MYOT: variants seen among roughly 807,000 people sequenced by gnomAD.
MYOT encodes the protein 57 kDa cytoskeletal protein.
Under a neutral mutation model 58.0 loss-of-function variants are expected in MYOT, and 36 were observed. The ratio of observed to expected loss-of-function variants is 0.62; its 90% confidence interval spans 0.48 to 0.82. MYOT has a LOEUF of 0.82. Among genes scored for constraint, MYOT ranks in the 40% least tolerant of loss-of-function variants. The pLI is 0.00. For synonymous variants in MYOT, 218 were observed against 204.6 expected (o/e 1.07, Z -0.56); for missense variants, 505 against 592.1 (o/e 0.85, Z 1.53).
intron 7 of MYOT, among the ~76,000 whole-genome samples, chr5:137,885,390 G>A (rs1468537225): frequency 6.6e-6 from 1 of 152,040 alleles, no homozygotes; most frequent in Admixed American, 6.6e-5. Flanking sequence ...CATGGCTCAT[G>A]GAGCCAATAG....
At chr5:137,868,445 C>T (rs1352905538) in intron 1 of MYOT, among the ~76,000 whole-genome samples, 1 of 152,056 alleles carries the variant, frequency 6.6e-6, no homozygotes, top group Non-Finnish European at 1.5e-5. Context: ...ACAGTAACTA[C>T]AAACATAAAG....
intron 6 of MYOT, chr5:137,882,786 G>C (rs954341560): frequency 6.4e-6 from 1 of 156,292 alleles, no homozygotes; most frequent in Non-Finnish European, 1.4e-5. Context: ...CCTCAGACTA[G>C]AAAAGCTCTT....
intron 2 of MYOT, among the ~76,000 whole-genome samples, chr5:137,872,485 A>T (rs1434066353): frequency 2.0e-5 from 3 of 152,242 alleles, no homozygotes; most frequent in Non-Finnish European, 4.4e-5. Flanking sequence ...AAAACATAAT[A>T]AGAAATAAAG....
intron 8 of MYOT, 116 bp from the exon 9 acceptor site, chr5:137,886,748 G>C (rs1328817958): frequency 2.4e-6 from 2 of 821,614 alleles, no homozygotes; most frequent in Non-Finnish European, 4.0e-6. Context: ...GCAATAAATA[G>C]ATACAGCTTT....
rs184308924 is a variant in MYOT at position 137,887,547 on chromosome 5, A to C, written c.*162A>C. 1.1e-5 allele frequency: 5 copies of C among 446,276 alleles called. No individual in the cohort carries two copies. In the Admixed American group the frequency reaches 1.3e-4, roughly 12 times the overall value. 27.6% of individuals were successfully genotyped at this position (446,276 alleles called of 1,614,324 possible). A position where few individuals can be genotyped will look rare whatever the true frequency, so the allele number is the denominator to read the frequency against. On this transcript the variant is annotated 3_prime_UTR_variant, in exon 10 of 10. Transcript: ENST00000239926. ...ATTATTTATCCTTTGACTCTTGCAC[A>C]TTCTATGTACCCCTCCGATTTGTGA...
intron 4 of MYOT, among the ~76,000 whole-genome samples, chr5:137,880,313 G>A (rs1012534070): frequency 5.9e-5 from 9 of 152,138 alleles, no homozygotes; most frequent in African/African-American, 1.9e-4. Flanking sequence ...CATACCTTTC[G>A]TGGAGTCCAT....
chr5:137,879,684 C>A (rs1227349980), intron 4 of MYOT, among the ~76,000 whole-genome samples: 5 of 144,800 alleles, frequency 3.5e-5, no homozygotes, highest in African/African-American at 1.0e-4. Context: ...GCCACCACAC[C>A]CGGCTTTTTT....
At chr5:137,874,029 CTTGAGAATATTTGG>C (rs760939171) in intron 2 of MYOT, among the ~76,000 whole-genome samples, 25 of 152,118 alleles carry the variant, frequency 1.6e-4, no homozygotes, top group Non-Finnish European at 3.2e-4. Flanking sequence ...TTTAATGATC[CTTGAGAATATTTGG>C]AAAGGATCAT....
intron 5 of MYOT, 98 bp from the exon 6 acceptor site, chr5:137,881,875 T>C: frequency 7.6e-7 from 1 of 1,322,442 alleles, no homozygotes; most frequent in Non-Finnish European, 1.1e-6. Flanking sequence ...AGAGTGAAAC[T>C]CCATTGAAAA....
At chr5:137,869,773 T>C (rs368713365) in intron 1 of MYOT, among the ~76,000 whole-genome samples, 261 of 151,866 alleles carry the variant, frequency 1.7e-3, no homozygotes, top group Admixed American at 3.0e-3. Context: ...GACCAACAAC[T>C]AGGAAGTATA....
chr5:137,878,524 A>G (rs1463976270), intron 4 of MYOT, among the ~76,000 whole-genome samples: 1 of 152,164 alleles, frequency 6.6e-6, no homozygotes, highest in East Asian at 1.9e-4. Context: ...TTAACCCCAA[A>G]GAAAAATGTA....
intron 7 of MYOT, 108 bp from the exon 8 acceptor site, chr5:137,885,940 T>G (rs1755586862): frequency 5.6e-6 from 4 of 713,706 alleles, no homozygotes; most frequent in Non-Finnish European, 2.3e-6. Context: ...CTGTTGCTGT[T>G]GCTTTTTAAC....
chr5:137,877,647 T>C (rs1755275708), intron 4 of MYOT, 26 bp downstream of exon 4: 3 of 1,459,060 alleles, frequency 2.1e-6, no homozygotes, highest in Non-Finnish European at 2.9e-6. Context: ...CTAAGTGGAG[T>C]ATTTTTATTC....
chr5:137,885,904 G>A, intron 7 of MYOT, 144 bp from the exon 8 acceptor site: 2 of 555,578 alleles, frequency 3.6e-6, no homozygotes, highest in Non-Finnish European at 6.4e-6. Context: ...AAATAGTACT[G>A]CATGTCTTTT....
At chr5:137,875,012 A>G (rs1037657041) in intron 2 of MYOT, among the ~76,000 whole-genome samples, 1 of 152,192 alleles carries the variant, frequency 6.6e-6, no homozygotes, top group Non-Finnish European at 1.5e-5. Flanking sequence ...CCTGGTGTAA[A>G]TATTTCCACC....
rs928703659 is a variant in MYOT, at chr5:137,869,698, T to A, written c.-211-743T>A. On this transcript the variant is annotated intron_variant, in intron 1 of 9. Coordinates refer to ENST00000239926, the MANE Select transcript of MYOT (RefSeq NM_006790.3). Reference sequence around the variant, plus strand: ...GAAAAAAAAGACCAAAAAACAAAATTAGTCTAAAATACATACTAAACAAAT... The same window carrying A: ...GAAAAAAAAGACCAAAAAACAAAATAAGTCTAAAATACATACTAAACAAAT... 3.4e-4 allele frequency among the ~76,000 whole-genome samples: 51 copies of A among 151,312 alleles called. 1 individual carries two copies. Among genetic ancestry groups the A allele is most frequent in the African/African-American group, 1.2e-3 (49 of 40,762 alleles).
At chr5:137,869,975 A>G (rs1028202331) in intron 1 of MYOT, among the ~76,000 whole-genome samples, 1 of 151,948 alleles carries the variant, frequency 6.6e-6, no homozygotes, top group Non-Finnish European at 1.5e-5. Context: ...AAAAAGAAGC[A>G]GTGAATTGTA....
At chr5:137,876,222 T>C (rs1023373426) in intron 3 of MYOT, 3 of 545,442 alleles carry the variant, frequency 5.5e-6, no homozygotes, top group African/African-American at 3.8e-5. Flanking sequence ...TGTATCTGAA[T>C]GGTTTAATGA....
At chr5:137,871,527 CAAAT>C (rs1040897549) in intron 2 of MYOT, among the ~76,000 whole-genome samples, 2 of 152,032 alleles carry the variant, frequency 1.3e-5, no homozygotes, top group Admixed American at 1.3e-4. Flanking sequence ...TTTAAATTAA[CAAAT>C]AAAAAAACCT....
Sources: gnomAD v4.1 joint callset for allele counts (sites outside exome capture counted in the v4.1 genomes callset) on GRCh38, gnomAD v4.1.1 for gene constraint, MANE v1.5 for transcripts, NCBI Gene and HGNC (gene_info 2026-07-23, HGNC 2026-07-21) for gene names.